The following C6orf89 variants were observed in gnomAD, a reference collection of about 807,000 sequenced individuals.
C6orf89 encodes bombesin receptor-activated protein C6orf89.
Under a neutral mutation model 40.7 loss-of-function variants are expected in C6orf89, and 29 were observed. That is an observed-to-expected ratio of 0.71 (90% CI 0.53 to 0.97). C6orf89 has a LOEUF of 0.97. Among genes scored for constraint, C6orf89 ranks in the 50% least tolerant of loss-of-function variants. C6orf89 has a pLI of 0.00. For missense variants in C6orf89, 392 were observed against 429.1 expected (o/e 0.91, Z 0.76); for synonymous variants, 165 against 152.2 (o/e 1.08, Z -0.62).
intron 7 of C6orf89, among the ~76,000 whole-genome samples, chr6:36,918,949 G>A (rs1762417536): frequency 6.6e-6 from 1 of 152,190 alleles, no homozygotes; most frequent in Non-Finnish European, 1.5e-5. Flanking sequence ...GCCAGTCTTA[G>A]TGTCATTAGT....
intron 1 of C6orf89, among the ~76,000 whole-genome samples, chr6:36,893,256 A>T (rs1412836077): frequency 6.7e-6 from 1 of 150,142 alleles, no homozygotes; most frequent in East Asian, 2.0e-4. Flanking sequence ...TTTTTAAGGG[A>T]TGAGTTTTTT....
intron 3 of C6orf89, 28 bp from the exon 4 acceptor site, chr6:36,902,193 T>A (rs1761749029): frequency 6.3e-7 from 1 of 1,590,570 alleles, no homozygotes; most frequent in Middle Eastern, 1.7e-4. Flanking sequence ...TTTGCTGGGA[T>A]TAATGCCTTT....
At position 36,927,564 on chromosome 6, in the gene C6orf89, A is replaced by G. The variant is rs1046815352; in HGVS notation, c.*4123A>G. On this transcript the variant is annotated 3_prime_UTR_variant, in exon 9 of 9. Transcript: ENST00000480824. Reference sequence around the variant, plus strand: ...CAATGAAGGAAAAGCTCTCTTGAGTATACAAGTTCCACACTCATTACCTTT... The same window carrying G: ...CAATGAAGGAAAAGCTCTCTTGAGTGTACAAGTTCCACACTCATTACCTTT... 2.0e-5 allele frequency: 3 copies of G among 152,238 alleles called. No individual in the cohort carries two copies. The highest frequency in any genetic ancestry group is 1.9e-4 in the East Asian group (1 of 5,196). 9.4% of individuals were successfully genotyped at this position (152,238 alleles called of 1,614,324 possible). A position where few individuals can be genotyped will look rare whatever the true frequency, so the allele number is the denominator to read the frequency against.
chr6:36,891,737 A>C (rs2150681491), intron 1 of C6orf89, among the ~76,000 whole-genome samples: 1 of 152,352 alleles, frequency 6.6e-6, no homozygotes, highest in South Asian at 2.1e-4. Flanking sequence ...AAAAAAGAAA[A>C]TTTAATTTAC....
chr6:36,901,303 A>T (rs1454847238), intron 3 of C6orf89, among the ~76,000 whole-genome samples: 2 of 30,628 alleles, frequency 6.5e-5, no homozygotes, highest in African/African-American at 1.6e-4. Flanking sequence ...TATTATTATT[A>T]TTATTATTAT....
rs1314964543 is a variant in C6orf89, at chr6:36,925,461, A to C, written c.*2020A>C. The stretch of plus-strand genomic sequence containing the variant: ...ATAAGAAACCCTTGCATGTGTTGGT[A>C]TTCTGAGGCATCCCGTGGGAAAGTC... On this transcript the variant is annotated 3_prime_UTR_variant, in exon 9 of 9. Coordinates refer to ENST00000480824, the MANE Select transcript of C6orf89 (RefSeq NM_001286635.2). 1.3e-5 allele frequency: 2 copies of C among 152,180 alleles called. No individual in the cohort carries two copies. The highest frequency in any genetic ancestry group is 6.5e-5 in the Admixed American group (1 of 15,280). 9.4% of individuals were successfully genotyped at this position (152,180 alleles called of 1,614,324 possible).
chr6:36,921,026 G>C (rs1276870129), intron 8 of C6orf89, among the ~76,000 whole-genome samples: 1 of 152,106 alleles, frequency 6.6e-6, no homozygotes, highest in African/African-American at 2.4e-5. Context: ...AGCATCAAAT[G>C]CTGGTACAGA....
intron 3 of C6orf89, among the ~76,000 whole-genome samples, chr6:36,901,315 ATTATTATTTTTTTTT>A (rs1761683655): frequency 3.4e-5 from 1 of 29,326 alleles, no homozygotes; most frequent in Non-Finnish European, 8.4e-5. Flanking sequence ...TATTATTATT[ATTATTATTTTTTTTT>A]TTTTTTTTTT....
In C6orf89 at chr6:36,919,593, G is replaced by T; in HGVS notation, c.841G>T (p.Asp281Tyr). The T allele has an allele frequency of 6.2e-7, 1 of 1,613,782 alleles. No individual in the cohort carries two copies. The highest frequency in any genetic ancestry group is 1.1e-5 in the South Asian group (1 of 91,038). Residue 281 changes from aspartate to tyrosine, a missense_variant, in exon 8 of 9, where the codon GAC (aspartate) becomes TAC (tyrosine). Asp to Tyr is a radical substitution (Grantham distance 160, BLOSUM62 -3). Transcript: ENST00000480824. Reference sequence around the variant, plus strand: ...TTTCCTCCAGATGCATAAGATGCCTGACCTATTTATCATTGGCAGCGGTGA... The same window carrying T: ...TTTCCTCCAGATGCATAAGATGCCTTACCTATTTATCATTGGCAGCGGTGA... ...VVGSKMHKMP[D>Y]LFIIGSGEAM... is the part of the protein sequence containing the mutation.
rs951671647 is a variant in C6orf89 at position 36,871,899 on chromosome 6, A to C, written c.-696A>C. ...TGCAGAGGGAGAGGACAACAGCTCC[A>C]GTAAACAAAAAGGTCAGGGCAGACA... On this transcript the variant is annotated 5_prime_UTR_variant, in exon 1 of 10. Coordinates refer to the C6orf89 transcript ENST00000359359. The C allele has an allele frequency of 2.6e-6, 4 of 1,547,252 alleles. No homozygotes were observed. The African/African-American group carries it at 5.7e-5, about 22-fold the overall frequency.
intron 1 of C6orf89, among the ~76,000 whole-genome samples, chr6:36,873,776 C>T (rs1774571941): frequency 6.6e-6 from 1 of 151,958 alleles, no homozygotes; most frequent in East Asian, 1.9e-4. Context: ...CAGCAATGGG[C>T]AAGAACAGAA....
intron 8 of C6orf89, among the ~76,000 whole-genome samples, chr6:36,922,302 T>C (rs925196115): frequency 5.9e-5 from 9 of 151,814 alleles, no homozygotes; most frequent in Non-Finnish European, 1.2e-4. Context: ...ATTGCGCCAT[T>C]GCACTCCAGC....
upstream of C6orf89, among the ~76,000 whole-genome samples, chr6:36,884,137 C>T (rs1473554692): frequency 1.3e-5 from 2 of 152,144 alleles, no homozygotes; most frequent in Non-Finnish European, 2.9e-5. The surrounding 1 kb of genome is among the most constrained non-coding windows in gnomAD (Gnocchi z 4.0). Flanking sequence ...TGGCAGGTGC[C>T]TGTAATCTCA....
intron 7 of C6orf89, among the ~76,000 whole-genome samples, chr6:36,919,362 C>G (rs1450369754): frequency 2.0e-5 from 3 of 152,210 alleles, no homozygotes; most frequent in Non-Finnish European, 2.9e-5. Flanking sequence ...AGATTTTACT[C>G]TGGTCTTAGT....
At chr6:36,920,805 C>A (rs1322896790) in intron 8 of C6orf89, among the ~76,000 whole-genome samples, 2 of 152,110 alleles carry the variant, frequency 1.3e-5, no homozygotes, top group African/African-American at 4.8e-5. Flanking sequence ...TTGCGAAAAT[C>A]TCTCTGGCAT....
intron 1 of C6orf89, among the ~76,000 whole-genome samples, chr6:36,872,555 G>A (rs913618313): frequency 6.6e-5 from 10 of 151,932 alleles, no homozygotes; most frequent in African/African-American, 1.5e-4. Flanking sequence ...GAGAAAGGAC[G>A]AGTGCCTTCC....
rs770355685 is a variant in C6orf89, at chr6:36,914,239, A to G, written c.404-45A>G. On this transcript the variant is annotated intron_variant, in intron 4 of 8. Coordinates refer to ENST00000480824, the MANE Select transcript of C6orf89 (RefSeq NM_001286635.2). The stretch of plus-strand genomic sequence containing the variant: ...GTTGGAGCTACTGGATGTACCAGCT[A>G]TGCTCTTTCAGTATCTGTTTTCTCC... 9.7e-6 allele frequency: 15 copies of G among 1,547,876 alleles called. No homozygotes were observed. In the South Asian group the frequency reaches 1.4e-4, roughly 14 times the overall value.
At chr6:36,899,982 G>A (rs558013860) in intron 3 of C6orf89, among the ~76,000 whole-genome samples, 1 of 152,276 alleles carries the variant, frequency 6.6e-6, no homozygotes, top group East Asian at 1.9e-4. Context: ...CTGCCTCCTG[G>A]GTTCAAGTGA....
upstream of C6orf89, among the ~76,000 whole-genome samples, chr6:36,884,228 C>T (rs1774901748): frequency 6.6e-6 from 1 of 152,162 alleles, no homozygotes; most frequent in Admixed American, 6.5e-5. This position sits in a 1 kb window ranked among gnomAD's most constrained non-coding sequence, Gnocchi z 4.0. Context: ...CCGCTGCATT[C>T]CAGCCTTGGT....
Sources: allele counts gnomAD v4.1 joint callset (sites outside exome capture counted in the v4.1 genomes callset), GRCh38; gene constraint gnomAD v4.1.1; non-coding constraint Gnocchi (gnomAD v3.1); transcripts MANE v1.5; gene names NCBI Gene and HGNC (gene_info 2026-07-23, HGNC 2026-07-21).